Variants in HPSE2 observed in about 807,000 individuals in gnomAD.
HPSE2 encodes the protein heparanase 2 (inactive), also known as inactive heparanase-2.
In HPSE2, 38 loss-of-function variants were observed where a neutral mutation model predicts 60.5. The observed-to-expected ratio is 0.63, with a 90% CI of 0.48 to 0.82. The LOEUF is 0.82. Ranked by LOEUF, HPSE2 falls within the 40% of genes least tolerant of loss-of-function variation. The pLI, the probability that HPSE2 is intolerant of heterozygous loss-of-function variation, is 0.00. For synonymous variants in HPSE2, 295 were observed against 293.2 expected (o/e 1.01, Z -0.06); for missense variants, 713 against 740.4 (o/e 0.96, Z 0.43).
At chr10:99,139,813 T>C (rs990398876) in intron 3 of HPSE2, among the ~76,000 whole-genome samples, 1 of 152,198 alleles carries the variant, frequency 6.6e-6, no homozygotes, top group Admixed American at 6.5e-5. Context: ...CTTTCTGCTT[T>C]GTAGGAAAAT....
intron 3 of HPSE2, among the ~76,000 whole-genome samples, chr10:98,830,784 A>G (rs1381257223): frequency 6.6e-6 from 1 of 152,228 alleles, no homozygotes; most frequent in Non-Finnish European, 1.5e-5. Flanking sequence ...CACCCATTTC[A>G]GCCCTAGAGA....
At chr10:98,554,290 T>C (rs907030899) in intron 9 of HPSE2, among the ~76,000 whole-genome samples, 4 of 152,226 alleles carry the variant, frequency 2.6e-5, no homozygotes, top group Non-Finnish European at 4.4e-5. Flanking sequence ...TCCTATTATT[T>C]GCCTAAGCCC....
chr10:98,845,362 G>T, intron 3 of HPSE2, among the ~76,000 whole-genome samples: 1 of 152,182 alleles, frequency 6.6e-6, no homozygotes, highest in East Asian at 1.9e-4. Flanking sequence ...TGTTACAGGT[G>T]GTTGGTAGCA....
intron 3 of HPSE2, among the ~76,000 whole-genome samples, chr10:98,905,567 T>A (rs1445301286): frequency 6.6e-6 from 1 of 152,120 alleles, no homozygotes; most frequent in African/African-American, 2.4e-5. Flanking sequence ...ATTCAGCCTA[T>A]AGGTATGGAT....
intron 2 of HPSE2, among the ~76,000 whole-genome samples, chr10:99,200,620 T>C (rs1564889590): frequency 6.6e-6 from 1 of 152,126 alleles, no homozygotes; most frequent in Non-Finnish European, 1.5e-5. Context: ...AGGTATAATA[T>C]GAATACAATG....
intron 3 of HPSE2, among the ~76,000 whole-genome samples, chr10:98,978,213 C>T (rs1378680456): frequency 6.6e-6 from 1 of 151,840 alleles, no homozygotes; most frequent in Non-Finnish European, 1.5e-5. Flanking sequence ...TAAACATGTA[C>T]CTTTGAGTGG....
At chr10:98,539,001 T>C (rs890773875) in intron 9 of HPSE2, among the ~76,000 whole-genome samples, 5 of 152,194 alleles carry the variant, frequency 3.3e-5, no homozygotes, top group Non-Finnish European at 4.4e-5. Flanking sequence ...CGTAGGCTGG[T>C]TCTCTCCTAG....
intron 9 of HPSE2, among the ~76,000 whole-genome samples, chr10:98,600,959 T>TGA (rs10682911): frequency 0.5 from 64,076 of 128,438 alleles, 16,076 homozygotes; most frequent in African/African-American, 0.64. Flanking sequence ...AGAAAGAGAG[T>TGA]GAGAGAGAGA....
chr10:98,713,876 T>C (rs1440837538), intron 5 of HPSE2, among the ~76,000 whole-genome samples: 1 of 152,006 alleles, frequency 6.6e-6, no homozygotes, highest in Non-Finnish European at 1.5e-5. Flanking sequence ...CCATTTATTA[T>C]TCTAATAGTT....
intron 3 of HPSE2, among the ~76,000 whole-genome samples, chr10:98,774,630 C>T (rs1950303579): frequency 6.6e-6 from 1 of 152,088 alleles, no homozygotes; most frequent in Non-Finnish European, 1.5e-5. Context: ...AGGCATGGGG[C>T]TGCTCAGGAA....
At chr10:98,528,712 C>CCGGAAG (rs1290990656) in intron 9 of HPSE2, among the ~76,000 whole-genome samples, 1 of 152,178 alleles carries the variant, frequency 6.6e-6, no homozygotes, top group Non-Finnish European at 1.5e-5. Context: ...TATGTGTCAG[C>CCGGAAG]CGGAAGGGCA....
the HPSE2 span, among the ~76,000 whole-genome samples, chr10:99,256,398 A>G: frequency 5.0e-4 from 1 of 2,020 alleles, no homozygotes; most frequent in Admixed American, 3.4e-3. Flanking sequence ...CTACAAGATG[A>G]CTCACCAAAC....
At chr10:98,767,790 G>T (rs1490475184) in intron 3 of HPSE2, among the ~76,000 whole-genome samples, 1 of 144,018 alleles carries the variant, frequency 6.9e-6, no homozygotes, top group Non-Finnish European at 1.5e-5. Context: ...ATATAAATAT[G>T]TATAAATTTA....
At chr10:98,732,477 C>G (rs995075096) in intron 4 of HPSE2, among the ~76,000 whole-genome samples, 2 of 151,940 alleles carry the variant, frequency 1.3e-5, no homozygotes, top group Non-Finnish European at 2.9e-5. Flanking sequence ...AGAAACAAAA[C>G]TATGTATGGT....
intron 10 of HPSE2, among the ~76,000 whole-genome samples, chr10:98,487,106 TCTC>T (rs1210920636): frequency 6.6e-6 from 1 of 152,170 alleles, no homozygotes; most frequent in African/African-American, 2.4e-5. Context: ...AAGGACCTCA[TCTC>T]CACCCCAGAA....
chr10:98,757,683 G>C (rs1949909395), intron 3 of HPSE2, among the ~76,000 whole-genome samples: 7 of 151,972 alleles, frequency 4.6e-5, no homozygotes. Context: ...AGAAATTAGA[G>C]ACAACACAAA....
chr10:98,600,926 T>TATATATATATA (rs1554950579), intron 9 of HPSE2, among the ~76,000 whole-genome samples: 3,595 of 107,770 alleles, frequency 0.033, 139 homozygotes, highest in South Asian at 0.062. Flanking sequence ...TATATATATA[T>TATATATATATA]ATATATATAT....
Position 98,841,808 on chromosome 10 carries a change from AT to A in HPSE2, c.611-97753del, listed in dbSNP as rs373906376. On this transcript the variant is annotated intron_variant, in intron 3 of 11. Transcript: ENST00000370552. ...TCTGCAGGGATTACAATTCCTTGTA[AT>A]TTTTTTTTTTTTTTTGAGACGAAGT... 4.1e-3 allele frequency among the ~76,000 whole-genome samples: 581 copies of A among 143,108 alleles called. 1 individual carries two copies. Among genetic ancestry groups the A allele is most frequent in the African/African-American group, 7.1e-3 (280 of 39,422 alleles). The allele number at this position is 143,108 out of a possible 152,430, so 93.9% of individuals were successfully genotyped here.
At chr10:98,512,122 CT>C (rs1437744370) in intron 9 of HPSE2, among the ~76,000 whole-genome samples, 1 of 152,124 alleles carries the variant, frequency 6.6e-6, no homozygotes, top group African/African-American at 2.4e-5. Context: ...GGAAAGAGCT[CT>C]GCTGCTCCAA....
Sources: gnomAD v4.1 joint callset for allele counts (sites outside exome capture counted in the v4.1 genomes callset) on GRCh38, gnomAD v4.1.1 for gene constraint, MANE v1.5 for transcripts, NCBI Gene and HGNC (gene_info 2026-07-23, HGNC 2026-07-21) for gene names.